MED13L: variants seen among roughly 807,000 people sequenced by gnomAD.
The protein encoded by MED13L is mediator complex subunit 13L.
In MED13L, 7 loss-of-function variants were observed where a neutral mutation model predicts 220.9. That is an observed-to-expected ratio of 0.03 (90% CI 0.02 to 0.06). The LOEUF is 0.06. MED13L is among the 10% of genes least tolerant of loss of function. MED13L has a pLI of 1.00. For synonymous variants in MED13L, 1,011 were observed against 1,015.2 expected (o/e 1.00, Z 0.08); for missense variants, 1,965 against 2,760.5 (o/e 0.71, Z 6.46).
intron 2 of MED13L, among the ~76,000 whole-genome samples, chr12:116,137,344 C>T (rs1399897723): frequency 1.3e-5 from 2 of 151,946 alleles, no homozygotes; most frequent in Non-Finnish European, 2.9e-5. Flanking sequence ...CTCCATAATA[C>T]TCTTATGAGG....
intron 13 of MED13L, among the ~76,000 whole-genome samples, chr12:116,003,555 A>G (rs897262987): frequency 1.3e-5 from 2 of 150,642 alleles, no homozygotes; most frequent in Non-Finnish European, 3.0e-5. Flanking sequence ...CTATTTTTAT[A>G]GTTACTATTT....
intron 2 of MED13L, among the ~76,000 whole-genome samples, chr12:116,150,112 G>T (rs1184302744): frequency 6.6e-6 from 1 of 152,188 alleles, no homozygotes. Context: ...GGCTCTAAAT[G>T]CAAGAATCTC....
At chr12:115,968,052 G>GA (rs1876307656) in intron 28 of MED13L, among the ~76,000 whole-genome samples, 1 of 35,684 alleles carries the variant, frequency 2.8e-5, no homozygotes, top group Non-Finnish European at 5.0e-5. Flanking sequence ...GGGAATAAAA[G>GA]TCCCCCCCCC....
chr12:115,963,532 C>A lies in MED13L; in HGVS notation c.6388-13G>T. On this transcript the variant is annotated splice_polypyrimidine_tract_variant and intron_variant, in intron 29 of 30. Transcript: ENST00000281928. ...GATGCAGCGAAGCCTGGTGAAAAAA[C>A]AAAGAGAGTTACCTCTCTGGTCTAG... 1 of 1,588,356 alleles carries A rather than the reference C, an allele frequency of 6.3e-7. No homozygotes were observed. The highest frequency in any genetic ancestry group is 8.6e-7 in the Non-Finnish European group (1 of 1,157,462).
intron 4 of MED13L, among the ~76,000 whole-genome samples, chr12:116,082,292 G>A (rs1479527150): frequency 6.6e-6 from 1 of 152,068 alleles, no homozygotes; most frequent in Non-Finnish European, 1.5e-5. Context: ...CACTTTTGGG[G>A]GTATACTTAT....
rs1876039249 is a variant in MED13L at position 116,131,221 on chromosome 12, A to G, written c.311-19709T>C. The stretch of plus-strand genomic sequence containing the variant: ...CTAATGCTTATTTTGGAGAGAAAGG[A>G]AGGATTATAAGGAAAGGAGATTGTT... On this transcript the variant is annotated intron_variant, in intron 2 of 30. Coordinates refer to ENST00000281928, the MANE Select transcript of MED13L (RefSeq NM_015335.5). Among the ~76,000 whole-genome samples the G allele has an allele frequency of 2.0e-5, 3 of 152,226 alleles. No homozygotes were observed. In the South Asian group the frequency reaches 6.2e-4, roughly 31 times the overall value.
At chr12:116,242,985 A>C (rs570911353) in intron 1 of MED13L, among the ~76,000 whole-genome samples, 7 of 152,322 alleles carry the variant, frequency 4.6e-5, no homozygotes, top group Non-Finnish European at 1.0e-4. Flanking sequence ...CTAATTTAAG[A>C]AAGTTCATAA....
At chr12:116,217,950 T>C (rs1022579914) in intron 2 of MED13L, among the ~76,000 whole-genome samples, 1 of 152,188 alleles carries the variant, frequency 6.6e-6, no homozygotes, top group Non-Finnish European at 1.5e-5. Context: ...GTTATATATC[T>C]CAGTCTCCTG....
At chr12:116,151,726 G>A (rs1185039670) in intron 2 of MED13L, among the ~76,000 whole-genome samples, 1 of 152,174 alleles carries the variant, frequency 6.6e-6, no homozygotes, top group Non-Finnish European at 1.5e-5. Flanking sequence ...AGACTAATGA[G>A]TGCCTTATTT....
chr12:116,261,645 C>A (rs766896187), intron 1 of MED13L, among the ~76,000 whole-genome samples: 4 of 152,118 alleles, frequency 2.6e-5, no homozygotes, highest in Non-Finnish European at 4.4e-5. Context: ...CTTATATACA[C>A]AATTGTGATC....
At position 116,096,766 on chromosome 12, in the gene MED13L, A is replaced by G. The variant is rs992491022; in HGVS notation, c.396-14T>C. ...TCCATTAGGCACCTAAAATAATTAC[A>G]TCAAGAATTACTTTTATAGTATCAG... On this transcript the variant is annotated splice_polypyrimidine_tract_variant and intron_variant, in intron 3 of 30. Transcript: ENST00000281928. 50 of 1,592,614 alleles carry G rather than the reference A, an allele frequency of 3.1e-5. No individual in the cohort carries two copies. The highest frequency in any genetic ancestry group is 4.1e-5 in the Non-Finnish European group (48 of 1,160,614).
In MED13L at chr12:115,959,864, T is replaced by TC. The variant is rs1019040060; in HGVS notation, c.*1401dup. On this transcript the variant is annotated 3_prime_UTR_variant, in exon 31 of 31. Transcript: ENST00000281928. ...TTTGTTAATAACCAGGACATGGAAGTCTCTTGGAAGAACTTTTAAAATTTG... is the reference window on the plus strand; with the variant it reads ...TTTGTTAATAACCAGGACATGGAAGTCCTCTTGGAAGAACTTTTAAAATTTG... 6.6e-6 allele frequency: 1 copy of TC among 152,578 alleles called. No homozygotes were observed. The highest frequency in any genetic ancestry group is 2.4e-5 in the African/African-American group (1 of 41,416). The allele number at this position is 152,578 out of a possible 1,614,324, so 9.5% of individuals were successfully genotyped here. A position where few individuals can be genotyped will look rare whatever the true frequency, so the allele number is the denominator to read the frequency against.
intron 1 of MED13L, among the ~76,000 whole-genome samples, chr12:116,254,576 C>T (rs1352195242): frequency 1.3e-5 from 2 of 152,000 alleles, no homozygotes. Flanking sequence ...TGATGAAACT[C>T]TGTCTCTACT....
At chr12:116,139,233 A>T (rs1478630546) in intron 2 of MED13L, among the ~76,000 whole-genome samples, 3 of 152,276 alleles carry the variant, frequency 2.0e-5, no homozygotes, top group African/African-American at 7.2e-5. Context: ...GTTTGAAAAA[A>T]GTAAACTTTA....
At chr12:116,152,218 T>C (rs567939632) in intron 2 of MED13L, among the ~76,000 whole-genome samples, 1 of 152,126 alleles carries the variant, frequency 6.6e-6, no homozygotes, top group Non-Finnish European at 1.5e-5. Context: ...GCCTGCCAAA[T>C]CAAAGAGGAA....
At chr12:115,996,873 T>C (rs1181227212) in intron 15 of MED13L, 137 bp downstream of exon 15, 5 of 1,055,506 alleles carry the variant, frequency 4.7e-6, no homozygotes, top group Non-Finnish European at 5.9e-6. Context: ...CCTGCTGGTG[T>C]GCCTCATGTT....
intron 2 of MED13L, among the ~76,000 whole-genome samples, chr12:116,145,553 T>C (rs1051912187): frequency 6.6e-6 from 1 of 152,088 alleles, no homozygotes; most frequent in Non-Finnish European, 1.5e-5. Flanking sequence ...TGGAGTGCAG[T>C]GGTGCGATCA....
chr12:116,033,491 G>A (rs754001469), intron 4 of MED13L, among the ~76,000 whole-genome samples: 1 of 152,124 alleles, frequency 6.6e-6, no homozygotes, highest in Non-Finnish European at 1.5e-5. Flanking sequence ...TATTTCACAA[G>A]TGTTACAAGT....
At chr12:116,096,319 T>C (rs1872628022) in intron 4 of MED13L, among the ~76,000 whole-genome samples, 1 of 115,222 alleles carries the variant, frequency 8.7e-6, no homozygotes, top group Non-Finnish European at 1.6e-5. Context: ...GGCACCACTG[T>C]ACTCCAGCCT....
Sources: gnomAD v4.1 joint callset for allele counts (sites outside exome capture counted in the v4.1 genomes callset) on GRCh38, gnomAD v4.1.1 for gene constraint, MANE v1.5 for transcripts, NCBI Gene and HGNC (gene_info 2026-07-23, HGNC 2026-07-21) for gene names.